The following FNBP1L variants were observed in gnomAD, a reference collection of about 807,000 sequenced individuals.
FNBP1L encodes the protein formin-binding protein 1-like.
A neutral mutation model predicts 91.2 loss-of-function variants in FNBP1L; 36 were observed. That is an observed-to-expected ratio of 0.39 (90% CI 0.30 to 0.52). FNBP1L has a LOEUF of 0.52. Ranked by LOEUF, FNBP1L falls within the 20% of genes least tolerant of loss-of-function variation. The probability of loss-of-function intolerance (pLI) is 0.66; values close to 1 mark genes in which losing one functional copy is unlikely to be tolerated. For synonymous variants in FNBP1L, 242 were observed against 237.0 expected (o/e 1.02, Z -0.19); for missense variants, 571 against 732.1 (o/e 0.78, Z 2.54).
At chr1:93,518,054 C>G (rs577030995) in intron 2 of FNBP1L, among the ~76,000 whole-genome samples, 1 of 152,270 alleles carries the variant, frequency 6.6e-6, no homozygotes, top group South Asian at 2.1e-4. Context: ...ACATGTATGA[C>G]AAATGGTAAC....
chr1:93,515,509 C>G (rs1380663221), intron 2 of FNBP1L, among the ~76,000 whole-genome samples: 2 of 152,066 alleles, frequency 1.3e-5, no homozygotes, highest in Non-Finnish European at 2.9e-5. Flanking sequence ...AGACTTGGAA[C>G]CAACCCAAAT....
intron 1 of FNBP1L, among the ~76,000 whole-genome samples, chr1:93,457,499 C>G (rs1668709912): frequency 1.3e-5 from 2 of 151,892 alleles, no homozygotes; most frequent in South Asian, 4.2e-4. Flanking sequence ...GATTTTTTTC[C>G]CCTGTATCTC....
At chr1:93,546,751 C>A in intron 12 of FNBP1L, 91 bp from the exon 13 acceptor site, 4 of 1,352,684 alleles carry the variant, frequency 3.0e-6, no homozygotes, top group African/African-American at 1.5e-5. Flanking sequence ...TAAGATTAAG[C>A]TGCGTACGAG....
At chr1:93,493,263 G>A (rs955468022) in intron 1 of FNBP1L, among the ~76,000 whole-genome samples, 73 of 151,468 alleles carry the variant, frequency 4.8e-4, no homozygotes, top group African/African-American at 1.7e-3. Flanking sequence ...GCTGGAGGAC[G>A]GCTTAAGCCC....
intron 5 of FNBP1L, among the ~76,000 whole-genome samples, chr1:93,529,145 A>C (rs902443744): frequency 1.3e-5 from 2 of 152,100 alleles, no homozygotes; most frequent in African/African-American, 4.8e-5. Context: ...AAAACAAACC[A>C]ACTGAACAAA....
intron 11 of FNBP1L, among the ~76,000 whole-genome samples, chr1:93,542,830 C>T (rs1328993462): frequency 7.0e-6 from 1 of 142,704 alleles, no homozygotes; most frequent in Admixed American, 7.2e-5. Flanking sequence ...GTCGCCCAGC[C>T]TGGAGTGCAA....
chr1:93,453,452 A>G (rs1009067774), intron 1 of FNBP1L, among the ~76,000 whole-genome samples: 1 of 151,982 alleles, frequency 6.6e-6, no homozygotes, highest in African/African-American at 2.4e-5. Context: ...CACCCTATAA[A>G]CCTATAAAAT....
chr1:93,462,277 C>T (rs546458910), intron 1 of FNBP1L, among the ~76,000 whole-genome samples: 1 of 151,244 alleles, frequency 6.6e-6, no homozygotes, highest in African/African-American at 2.4e-5. Flanking sequence ...CCTGGAGTTA[C>T]TTTTTTTTTA....
chr1:93,491,156 G>A (rs1014060685), intron 1 of FNBP1L, among the ~76,000 whole-genome samples: 2 of 151,972 alleles, frequency 1.3e-5, no homozygotes, highest in African/African-American at 4.8e-5. Context: ...GTGTTACCCA[G>A]GCTGGTCATG....
Position 93,552,822 on chromosome 1 carries a change from T to C in FNBP1L, c.*406T>C, listed in dbSNP as rs923421117. 1 of 167,072 alleles carries C rather than the reference T, an allele frequency of 6.0e-6. No individual in the cohort carries two copies. The highest frequency in any genetic ancestry group is 2.4e-5 in the African/African-American group (1 of 42,110). 10.3% of individuals were successfully genotyped at this position (167,072 alleles called of 1,614,324 possible). On this transcript the variant is annotated 3_prime_UTR_variant, in exon 17 of 17. Transcript: ENST00000271234. ...CTATCTGTCAGATCCTTGCCATCTG[T>C]CAGTGTCTGCCTGCGCCACCTCCGT...
At chr1:93,473,397 G>T (rs1174108191) in intron 1 of FNBP1L, among the ~76,000 whole-genome samples, 2 of 152,046 alleles carry the variant, frequency 1.3e-5, no homozygotes, top group Non-Finnish European at 2.9e-5. Flanking sequence ...CCATTTTACA[G>T]AAGGTGAAAC....
chr1:93,544,687 A>C (rs935178258), intron 12 of FNBP1L, among the ~76,000 whole-genome samples: 2 of 152,172 alleles, frequency 1.3e-5, no homozygotes, highest in African/African-American at 4.8e-5. Flanking sequence ...TTTTTTAAAA[A>C]TAGACATAGA....
intron 2 of FNBP1L, among the ~76,000 whole-genome samples, chr1:93,500,035 ATG>A (rs1262644183): frequency 2.6e-5 from 4 of 152,186 alleles, no homozygotes; most frequent in African/African-American, 7.2e-5. Flanking sequence ...TTATGAATGA[ATG>A]TGATTTTAGA....
chr1:93,480,601 AT>A lies in FNBP1L; in HGVS notation c.25-18859del, dbSNP rs374361582. Among the ~76,000 whole-genome samples, 124 of 147,954 alleles carry A rather than the reference AT, an allele frequency of 8.4e-4. 1 individual carries two copies. In the East Asian group the frequency reaches 0.023, roughly 27 times the overall value. On this transcript the variant is annotated intron_variant, in intron 1 of 16. Coordinates refer to ENST00000271234, the MANE Select transcript of FNBP1L (RefSeq NM_001164473.3). ...GAGTCTCTTAATTTTTTTTTTTTTA[AT>A]TTTTTTTGAGAGGGACTCTGTCGCC...
At chr1:93,535,714 T>C (rs964430861) in intron 9 of FNBP1L, among the ~76,000 whole-genome samples, 3 of 152,016 alleles carry the variant, frequency 2.0e-5, no homozygotes, top group Non-Finnish European at 2.9e-5. Flanking sequence ...TCATGCTTTA[T>C]TTATGCTTTT....
intron 9 of FNBP1L, among the ~76,000 whole-genome samples, chr1:93,535,132 T>C (rs1404191023): frequency 6.6e-6 from 1 of 152,124 alleles, no homozygotes; most frequent in Non-Finnish European, 1.5e-5. Flanking sequence ...ATTAACAAAG[T>C]TGTTAATATC....
chr1:93,452,910 G>T (rs1668542086), intron 1 of FNBP1L, among the ~76,000 whole-genome samples: 1 of 152,174 alleles, frequency 6.6e-6, no homozygotes, highest in Non-Finnish European at 1.5e-5. Context: ...TGTTTGGTGA[G>T]ATTTATGAAG....
chr1:93,514,619 C>T (rs932773655), intron 2 of FNBP1L, among the ~76,000 whole-genome samples: 1 of 152,210 alleles, frequency 6.6e-6, no homozygotes, highest in African/African-American at 2.4e-5. Context: ...CGCCGCATGT[C>T]TACAGCTATC....
rs1389899993 is a variant in FNBP1L, at chr1:93,530,884, G to A, written c.639+1G>A. On this transcript the variant is annotated splice_donor_variant, in intron 7 of 16. Transcript: ENST00000271234. LOFTEE classifies it high-confidence loss of function. Reference sequence around the variant, plus strand: ...TGTAGTGATTCCTCAGATTTACAAGGTAAATCTTAGATATGAAGTTAATCT... The same window carrying A: ...TGTAGTGATTCCTCAGATTTACAAGATAAATCTTAGATATGAAGTTAATCT... 1 of 1,529,824 alleles carries A rather than the reference G, an allele frequency of 6.5e-7. No homozygotes were observed. Among genetic ancestry groups the A allele is most frequent in the African/African-American group, 1.4e-5 (1 of 72,244 alleles). The allele number at this position is 1,529,824 out of a possible 1,614,324, so 94.8% of individuals were successfully genotyped here. A position where few individuals can be genotyped will look rare whatever the true frequency, so the allele number is the denominator to read the frequency against.
Sources: gnomAD v4.1 joint callset for allele counts (sites outside exome capture counted in the v4.1 genomes callset) on GRCh38, gnomAD v4.1.1 for gene constraint, MANE v1.5 for transcripts, NCBI Gene and HGNC (gene_info 2026-07-23, HGNC 2026-07-21) for gene names.